PITPNM2: variants seen among roughly 807,000 people sequenced by gnomAD.
PITPNM2 encodes phosphatidylinositol transfer protein membrane associated 2.
PITPNM2 carries 35 observed loss-of-function variants against 132.2 expected under a neutral mutation model. The ratio of observed to expected loss-of-function variants is 0.26; its 90% CI spans 0.20 to 0.35. The LOEUF is 0.35. Ranked by LOEUF, PITPNM2 falls within the 10% of genes least tolerant of loss-of-function variation. PITPNM2 has a pLI of 1.00. For synonymous variants in PITPNM2, 738 were observed against 799.2 expected (o/e 0.92, Z 1.29); for missense variants, 1,332 against 1,912.0 (o/e 0.70, Z 5.66).
intron 16 of PITPNM2, among the ~76,000 whole-genome samples, chr12:122,991,521 G>A (rs1236351875): frequency 6.6e-6 from 1 of 152,220 alleles, no homozygotes; most frequent in Non-Finnish European, 1.5e-5. Context: ...GGCCTCTGCT[G>A]TCTCTGAGCT....
rs1290647826 is a variant in PITPNM2 at position 123,022,755 on chromosome 12, A to G, written c.79-8713T>C. Among the ~76,000 whole-genome samples, 1 of 152,216 alleles carries G rather than the reference A, an allele frequency of 6.6e-6. No homozygotes were observed. Among genetic ancestry groups the G allele is most frequent in the African/African-American group, 2.4e-5 (1 of 41,456 alleles). ...CTGCAGAAACCTGCATGTGCATCAG[A>G]ACCCCCAACCCCTACCTAATAGGCA... On this transcript the variant is annotated intron_variant, in intron 3 of 25. Transcript: ENST00000320201. The surrounding 1 kb of genome is among the most constrained non-coding windows in gnomAD (Gnocchi z 4.9).
chr12:122,997,048 TG>T (rs899649740), intron 11 of PITPNM2, 138 bp from the exon 12 acceptor site: 2 of 995,328 alleles, frequency 2.0e-6, no homozygotes, highest in African/African-American at 3.3e-5. Flanking sequence ...TGGATAGGCT[TG>T]GGGGACCAGG....
chr12:123,030,834 T>C (rs1475977759), intron 3 of PITPNM2, among the ~76,000 whole-genome samples: 1 of 152,124 alleles, frequency 6.6e-6, no homozygotes, highest in African/African-American at 2.4e-5. Context: ...CACTGACACA[T>C]GCTATGACAT....
intron 3 of PITPNM2, among the ~76,000 whole-genome samples, chr12:123,020,500 G>T (rs1303408962): frequency 6.6e-6 from 1 of 152,192 alleles, no homozygotes; most frequent in Non-Finnish European, 1.5e-5. Context: ...TGGGTCCCAG[G>T]AAGAACGTCC....
intron 3 of PITPNM2, among the ~76,000 whole-genome samples, chr12:123,021,275 T>A (rs565525061): frequency 1.1e-3 from 163 of 152,262 alleles, no homozygotes; most frequent in African/African-American, 3.7e-3. Context: ...ATCTTTACCA[T>A]GTGGGCCACA....
chr12:123,122,458 T>C (rs1175094396), intron 1 of PITPNM2, among the ~76,000 whole-genome samples: 2 of 151,744 alleles, frequency 1.3e-5, no homozygotes, highest in Non-Finnish European at 2.9e-5. Flanking sequence ...CAAGGCTCCG[T>C]CTCCAAAAAA....
rs549992144 is a variant in PITPNM2, at chr12:122,988,245, C to T, written c.2986G>A (p.Val996Met). 1.9e-5 allele frequency: 31 copies of T among 1,612,784 alleles called. No individual in the cohort carries two copies. The East Asian group carries it at 4.9e-4, about 26-fold the overall frequency. The change falls in exon 20 of 26, where the codon GTG becomes ATG. Residue 996 changes from valine (V) to methionine (M), a missense_variant. Physicochemically the swap from Val to Met is conservative, Grantham distance 21. Around this residue, in one of 6 missense-constraint regions of PITPNM2, gnomAD observed 251 missense variants for 472.0 expected, o/e 0.53. Coordinates refer to ENST00000320201, the MANE Select transcript of PITPNM2 (RefSeq NM_020845.3). ...CGGGGGACCCTCACCCGCAGCTTCA[C>T]GTGGGTCCGCTTGCGCTGCCACTTC... ...REKWQRKRTH[V>M]KLRNVTANHR...
At chr12:123,066,481 G>A (rs11061601) in intron 2 of PITPNM2, among the ~76,000 whole-genome samples, 1,665 of 152,246 alleles carry the variant, frequency 0.011, 35 homozygotes, top group South Asian at 0.059. Flanking sequence ...CTGCCTTTGT[G>A]GAGTGAGTCC....
At chr12:123,123,726 G>A (rs1350369124) in intron 1 of PITPNM2, among the ~76,000 whole-genome samples, 1 of 152,038 alleles carries the variant, frequency 6.6e-6, no homozygotes, top group Non-Finnish European at 1.5e-5. Flanking sequence ...ATTGAGGCCA[G>A]GAGTTGGAGA....
chr12:123,138,227 G>A (rs764570863), intron 1 of PITPNM2, among the ~76,000 whole-genome samples: 3 of 151,880 alleles, frequency 2.0e-5, no homozygotes, highest in African/African-American at 4.8e-5. Context: ...TGGGTGGATC[G>A]CTTGAGCTCA....
chr12:123,096,228 G>A (rs2042407159), intron 2 of PITPNM2, among the ~76,000 whole-genome samples: 1 of 152,226 alleles, frequency 6.6e-6, no homozygotes, highest in African/African-American at 2.4e-5. Context: ...TCTGTAGCCA[G>A]CAAGCACACC....
Position 123,004,085 on chromosome 12 carries a change from G to A in PITPNM2, c.1048+309C>T, listed in dbSNP as rs966118348. Among the ~76,000 whole-genome samples, 8 of 152,188 alleles carry A rather than the reference G, an allele frequency of 5.3e-5. No individual in the cohort carries two copies. Among genetic ancestry groups the A allele is most frequent in the African/African-American group, 1.9e-4 (8 of 41,448 alleles). On this transcript the variant is annotated intron_variant, in intron 8 of 25. Coordinates refer to ENST00000320201, the MANE Select transcript of PITPNM2 (RefSeq NM_020845.3). This position sits in a 1 kb window ranked among gnomAD's most constrained non-coding sequence, Gnocchi z 4.9. ...GAAATAAATTCACATACGGAATAAA[G>A]CCCTAGTCTGATGGTGTATCCTTAT...
At chr12:123,019,115 C>G (rs1212571248) in intron 3 of PITPNM2, among the ~76,000 whole-genome samples, 1 of 152,082 alleles carries the variant, frequency 6.6e-6, no homozygotes, top group East Asian at 1.9e-4. Context: ...GATGAAAGTG[C>G]TCTGGAATTA....
At chr12:122,997,716 G>A (rs952058862) in intron 10 of PITPNM2, 144 bp from the exon 11 acceptor site, 2 of 1,171,048 alleles carry the variant, frequency 1.7e-6, no homozygotes, top group Non-Finnish European at 2.4e-6. Flanking sequence ...ACTCATGCCT[G>A]GAGCCTGGGG....
At chr12:123,146,949 G>A (rs1223184158) in intron 1 of PITPNM2, among the ~76,000 whole-genome samples, 1 of 152,110 alleles carries the variant, frequency 6.6e-6, no homozygotes, top group Non-Finnish European at 1.5e-5. Flanking sequence ...AGTCTTCTGG[G>A]ACCCTCCATC....
At chr12:123,035,931 T>G (rs1237273748) in intron 2 of PITPNM2, among the ~76,000 whole-genome samples, 1 of 152,162 alleles carries the variant, frequency 6.6e-6, no homozygotes, top group Non-Finnish European at 1.5e-5. Flanking sequence ...CAATCCCAGC[T>G]CACTGCAGCC....
intron 1 of PITPNM2, among the ~76,000 whole-genome samples, chr12:123,121,559 T>C (rs1290204155): frequency 6.6e-6 from 1 of 152,170 alleles, no homozygotes; most frequent in Non-Finnish European, 1.5e-5. Flanking sequence ...ATTTTATTTG[T>C]TTTTTGAGAC....
intron 3 of PITPNM2, among the ~76,000 whole-genome samples, chr12:123,018,584 G>A (rs1461829580): frequency 6.6e-6 from 1 of 151,724 alleles, no homozygotes. Context: ...ACAGGCATGA[G>A]CCACTACGCC....
intron 8 of PITPNM2, 96 bp from the exon 9 acceptor site, chr12:123,001,254 AC>A (rs2038662624): frequency 3.3e-6 from 3 of 905,116 alleles, no homozygotes; most frequent in Non-Finnish European, 1.8e-6. Flanking sequence ...CTCTGCTCTG[AC>A]CGTTCCTCAA....
Sources: gnomAD v4.1 joint callset for allele counts (sites outside exome capture counted in the v4.1 genomes callset) on GRCh38, gnomAD v4.1.1 for gene constraint, gnomAD v4.1.1 regional missense constraint, Gnocchi (gnomAD v3.1) non-coding constraint, MANE v1.5 for transcripts, NCBI Gene and HGNC (gene_info 2026-07-23, HGNC 2026-07-21) for gene names.